MECOM: variants seen among roughly 807,000 people sequenced by gnomAD.
MECOM encodes histone-lysine N-methyltransferase MECOM.
MECOM carries 13 observed loss-of-function variants against 116.3 expected under a neutral mutation model. That is an observed-to-expected ratio of 0.11 (90% CI 0.07 to 0.18). MECOM has a LOEUF of 0.18. Ranked by LOEUF, MECOM falls within the 10% of genes least tolerant of loss-of-function variation. MECOM has a pLI of 1.00. For missense variants in MECOM, 1,299 were observed against 1,509.0 expected (o/e 0.86, Z 2.31); for synonymous variants, 528 against 535.2 (o/e 0.99, Z 0.19).
intron 1 of MECOM, among the ~76,000 whole-genome samples, chr3:169,412,543 A>G (rs1025040435): frequency 7.9e-5 from 12 of 152,076 alleles, no homozygotes; most frequent in East Asian, 5.8e-4. Flanking sequence ...TGATTTTCAT[A>G]GAAGGATTTT....
At chr3:169,178,443 T>TA (rs1303219416) in intron 2 of MECOM, among the ~76,000 whole-genome samples, 2 of 152,136 alleles carry the variant, frequency 1.3e-5, no homozygotes, top group African/African-American at 4.8e-5. Flanking sequence ...AAGAAGGACA[T>TA]TAGTTTCTCA....
intron 1 of MECOM, among the ~76,000 whole-genome samples, chr3:169,642,215 G>A (rs1056025910): frequency 2.0e-5 from 3 of 152,106 alleles, no homozygotes; most frequent in African/African-American, 4.8e-5. Flanking sequence ...GAATTAAAAA[G>A]AGAAAGAATA....
intron 1 of MECOM, among the ~76,000 whole-genome samples, chr3:169,634,888 G>A (rs1772530307): frequency 1.3e-5 from 2 of 152,118 alleles, no homozygotes; most frequent in African/African-American, 4.8e-5. Context: ...AGTAAACACG[G>A]CTTCTTAATC....
At chr3:169,178,527 A>T (rs1183344674) in intron 2 of MECOM, among the ~76,000 whole-genome samples, 1 of 152,166 alleles carries the variant, frequency 6.6e-6, no homozygotes, top group African/African-American at 2.4e-5. Context: ...AGGACAATGT[A>T]TAGCCAGCTA....
At chr3:169,133,946 T>C (rs1560240507) in intron 3 of MECOM, 12 of 1,289,666 alleles carry the variant, frequency 9.3e-6, no homozygotes, top group Non-Finnish European at 1.1e-5. Context: ...GTTTAACTTA[T>C]TAGCTTCCTT....
intron 1 of MECOM, among the ~76,000 whole-genome samples, chr3:169,518,546 T>C (rs1050020147): frequency 8.5e-5 from 13 of 152,180 alleles, no homozygotes; most frequent in African/African-American, 2.2e-4. Context: ...CAAAGCTTCA[T>C]ATATATAAAA....
At chr3:169,459,130 T>C (rs1447842672) in intron 1 of MECOM, among the ~76,000 whole-genome samples, 2 of 152,248 alleles carry the variant, frequency 1.3e-5, no homozygotes, top group African/African-American at 4.8e-5. Context: ...CATTTCATGC[T>C]TACTGATGTA....
intron 1 of MECOM, among the ~76,000 whole-genome samples, chr3:169,580,325 C>T (rs532042251): frequency 1.3e-5 from 2 of 152,090 alleles, no homozygotes; most frequent in Non-Finnish European, 2.9e-5. Flanking sequence ...ACCCATCACC[C>T]GAGCAGGGTA....
chr3:169,183,880 A>G (rs1177670081), intron 2 of MECOM, among the ~76,000 whole-genome samples: 1 of 127,570 alleles, frequency 7.8e-6, no homozygotes, highest in African/African-American at 2.9e-5. Flanking sequence ...CTTTTTTTTT[A>G]GTGAGACGGA....
chr3:169,272,311 G>A (rs866195799), intron 2 of MECOM, among the ~76,000 whole-genome samples: 2 of 152,208 alleles, frequency 1.3e-5, no homozygotes, highest in African/African-American at 2.4e-5. Flanking sequence ...TAACATGGGA[G>A]TTGGGGAGAG....
chr3:169,184,600 G>A (rs1474544899), intron 2 of MECOM, among the ~76,000 whole-genome samples: 1 of 152,098 alleles, frequency 6.6e-6, no homozygotes, highest in African/African-American at 2.4e-5. Context: ...CTGAGGAAGA[G>A]GTAGGAGCTA....
chr3:169,495,173 C>G (rs1473385461), intron 1 of MECOM, among the ~76,000 whole-genome samples: 1 of 152,086 alleles, frequency 6.6e-6, no homozygotes, highest in Non-Finnish European at 1.5e-5. Flanking sequence ...TTTCATTGCT[C>G]TCCCCTGGAC....
At chr3:169,175,404 C>T (rs1745004132) in intron 2 of MECOM, among the ~76,000 whole-genome samples, 1 of 152,124 alleles carries the variant, frequency 6.6e-6, no homozygotes, top group Admixed American at 6.6e-5. Context: ...AACTTTGTTT[C>T]ATGCACAAAA....
chr3:169,139,655 A>G (rs1737493387), intron 3 of MECOM, among the ~76,000 whole-genome samples: 1 of 152,130 alleles, frequency 6.6e-6, no homozygotes, highest in Non-Finnish European at 1.5e-5. Flanking sequence ...GATGTATTAG[A>G]GTAAAGCTGT....
At chr3:169,399,863 G>A (rs897757900) in intron 1 of MECOM, among the ~76,000 whole-genome samples, 1 of 152,084 alleles carries the variant, frequency 6.6e-6, no homozygotes. Flanking sequence ...GAATTAATAA[G>A]ACAAATAAAT....
intron 1 of MECOM, among the ~76,000 whole-genome samples, chr3:169,471,665 C>T (rs1749268711): frequency 6.6e-6 from 1 of 152,172 alleles, no homozygotes; most frequent in South Asian, 2.1e-4. Context: ...AACCACTCTC[C>T]TTTGCTATGT....
chr3:169,642,605 G>T (rs544847099), intron 1 of MECOM, among the ~76,000 whole-genome samples: 2 of 151,968 alleles, frequency 1.3e-5, no homozygotes, highest in African/African-American at 4.8e-5. Context: ...CTGACTGCTC[G>T]GAGAGTCACC....
chr3:169,337,101 T>C (rs1723704163), intron 2 of MECOM, among the ~76,000 whole-genome samples: 1 of 152,212 alleles, frequency 6.6e-6, no homozygotes, highest in South Asian at 2.1e-4. Context: ...TTATCATCTA[T>C]GGAAAATAAC....
rs548996371 is a variant in MECOM, at chr3:169,162,576, A to G, written c.376-18744T>C. On this transcript the variant is annotated intron_variant, in intron 2 of 16. Transcript: ENST00000651503. ...TAATATTACTGGGAGCTTAGGCGAA[A>G]CATATTTTCAACGTTCATTTAACTG... Among the ~76,000 whole-genome samples the G allele has an allele frequency of 2.6e-5, 4 of 152,322 alleles. No homozygotes were observed. In the South Asian group the frequency reaches 8.3e-4, roughly 32 times the overall value.
Sources: allele counts gnomAD v4.1 joint callset (sites outside exome capture counted in the v4.1 genomes callset), GRCh38; gene constraint gnomAD v4.1.1; transcripts MANE v1.5; gene names NCBI Gene and HGNC (gene_info 2026-07-23, HGNC 2026-07-21).